MLIP: variants seen among roughly 807,000 people sequenced by gnomAD.
MLIP encodes muscular LMNA interacting protein, also known as muscular LMNA-interacting protein.
A neutral mutation model predicts 84.8 loss-of-function variants in MLIP; 79 were observed. That is an observed-to-expected ratio of 0.93 (90% CI 0.78 to 1.12). The LOEUF (loss-of-function observed/expected upper bound fraction) is 1.12, where lower values mean the gene tolerates loss of function less well. Ranked by LOEUF, MLIP falls within the 50% of genes most tolerant of loss-of-function variation. The probability of loss-of-function intolerance (pLI) is 0.00; values close to 1 mark genes in which losing one functional copy is unlikely to be tolerated. For missense variants in MLIP, 1,257 were observed against 1,160.6 expected (o/e 1.08, Z -1.21); for synonymous variants, 504 against 463.0 (o/e 1.09, Z -1.14).
At chr6:54,057,500 G>T (rs1765729295) in intron 1 of MLIP, among the ~76,000 whole-genome samples, 1 of 152,152 alleles carries the variant, frequency 6.6e-6, no homozygotes, top group South Asian at 2.1e-4. Flanking sequence ...TGCATTCAGG[G>T]GGAATAGTAG....
chr6:54,058,212 T>A (rs1765771787), intron 1 of MLIP, among the ~76,000 whole-genome samples: 1 of 152,136 alleles, frequency 6.6e-6, no homozygotes, highest in Non-Finnish European at 1.5e-5. Context: ...TATAATTGGG[T>A]CTTTACTTCC....
At position 54,261,676 on chromosome 6, in the gene MLIP, C is replaced by T. The variant is rs139572798; in HGVS notation, c.2977-4274C>T. On this transcript the variant is annotated intron_variant, in intron 13 of 13. Coordinates refer to ENST00000502396, the MANE Select transcript of MLIP (RefSeq NM_001281747.2). ...TAAGGTTCTAAGAGTATAAAGCAGC[C>T]ATCCCATTCCTCTGACTTTATCCTC... The T allele has an allele frequency of 3.2e-3, 3,122 of 985,042 alleles. 6 individuals carry two copies. The highest frequency in any genetic ancestry group is 3.9e-3 in the Admixed American group (64 of 16,236). The allele number at this position is 985,042 out of a possible 1,614,324, so 61.0% of individuals were successfully genotyped here.
At chr6:54,236,700 G>T (rs948030730) in intron 12 of MLIP, among the ~76,000 whole-genome samples, 1 of 152,112 alleles carries the variant, frequency 6.6e-6, no homozygotes, top group Non-Finnish European at 1.5e-5. Context: ...GTTTAAAATG[G>T]CCCCTAAGCA....
intron 4 of MLIP, among the ~76,000 whole-genome samples, chr6:54,143,420 G>T (rs1250657500): frequency 6.6e-6 from 1 of 151,994 alleles, no homozygotes; most frequent in Non-Finnish European, 1.5e-5. Context: ...TGGCCAGGCT[G>T]GTCTTGAACT....
chr6:54,171,340 A>G (rs887289711), intron 9 of MLIP, among the ~76,000 whole-genome samples: 1 of 151,658 alleles, frequency 6.6e-6, no homozygotes, highest in East Asian at 1.9e-4. Flanking sequence ...TCTAATGCAG[A>G]TAAGATTCTT....
At chr6:54,151,678 A>G (rs947107282) in intron 5 of MLIP, among the ~76,000 whole-genome samples, 2 of 152,140 alleles carry the variant, frequency 1.3e-5, no homozygotes, top group African/African-American at 2.4e-5. Flanking sequence ...AAAATAATTC[A>G]TGTCTTAGCT....
intron 1 of MLIP, among the ~76,000 whole-genome samples, chr6:54,062,653 T>A (rs1382485928): frequency 6.6e-6 from 1 of 152,174 alleles, no homozygotes; most frequent in Non-Finnish European, 1.5e-5. Context: ...GAGGTGGCAC[T>A]TACTCATCCC....
intron 1 of MLIP, among the ~76,000 whole-genome samples, chr6:54,028,069 A>G (rs1249978791): frequency 6.6e-6 from 1 of 152,206 alleles, no homozygotes; most frequent in African/African-American, 2.4e-5. Context: ...ATGGAATTGT[A>G]TTAGAGAATC....
chr6:54,113,078 T>C (rs1281156408), intron 1 of MLIP, among the ~76,000 whole-genome samples: 2 of 152,210 alleles, frequency 1.3e-5, no homozygotes, highest in South Asian at 2.1e-4. Flanking sequence ...CTGCTTATAA[T>C]GGTTATATGT....
intron 9 of MLIP, among the ~76,000 whole-genome samples, chr6:54,174,022 C>G (rs999474150): frequency 2.0e-5 from 3 of 152,000 alleles, no homozygotes; most frequent in Non-Finnish European, 4.4e-5. Flanking sequence ...TTTCATTTAA[C>G]ATAATGACCT....
At chr6:54,221,221 C>T (rs1254406501) in intron 11 of MLIP, among the ~76,000 whole-genome samples, 1 of 152,074 alleles carries the variant, frequency 6.6e-6, no homozygotes, top group Non-Finnish European at 1.5e-5. Context: ...TAAACCAACT[C>T]ATACCCCAAA....
chr6:54,107,496 G>A (rs535901508), upstream of MLIP, among the ~76,000 whole-genome samples: 56 of 152,296 alleles, frequency 3.7e-4, no homozygotes, highest in African/African-American at 1.3e-3. Context: ...TTACCTGAGA[G>A]ACACGGATAC....
intron 9 of MLIP, among the ~76,000 whole-genome samples, chr6:54,177,952 C>A (rs1424671517): frequency 6.6e-6 from 1 of 152,044 alleles, no homozygotes. Flanking sequence ...GAACAGAAAA[C>A]CAAACACCAC....
intron 5 of MLIP, among the ~76,000 whole-genome samples, chr6:54,150,393 G>T (rs1561986144): frequency 6.6e-6 from 1 of 152,134 alleles, no homozygotes. Context: ...TTGTGGAAAG[G>T]GACACTTTTC....
chr6:54,084,048 A>T (rs753807983), intron 1 of MLIP, among the ~76,000 whole-genome samples: 1 of 152,276 alleles, frequency 6.6e-6, no homozygotes. Context: ...TGATCTTGAA[A>T]TAGGTTTCAA....
chr6:54,144,178 C>A (rs761508392), intron 4 of MLIP, among the ~76,000 whole-genome samples: 30 of 152,132 alleles, frequency 2.0e-4, no homozygotes, highest in Admixed American at 8.5e-4. Context: ...TGAACGGGAT[C>A]AGGGCTTGGT....
At chr6:54,021,747 C>T (rs1763509742) in intron 1 of MLIP, among the ~76,000 whole-genome samples, 1 of 152,160 alleles carries the variant, frequency 6.6e-6, no homozygotes, top group Non-Finnish European at 1.5e-5. Context: ...TTAATCAATA[C>T]ATAATCAGAA....
intron 1 of MLIP, among the ~76,000 whole-genome samples, chr6:54,057,570 A>T (rs1436910136): frequency 6.6e-6 from 1 of 152,220 alleles, no homozygotes; most frequent in Non-Finnish European, 1.5e-5. Flanking sequence ...AGACCTTCTC[A>T]AACTTTTCTC....
chr6:54,249,236 C>T (rs1020295278), intron 12 of MLIP, among the ~76,000 whole-genome samples: 12 of 152,036 alleles, frequency 7.9e-5, no homozygotes, highest in African/African-American at 2.4e-4. Flanking sequence ...AGGGCCCAGA[C>T]TTTAAAGATG....
Sources: allele counts gnomAD v4.1 joint callset (sites outside exome capture counted in the v4.1 genomes callset), GRCh38; gene constraint gnomAD v4.1.1; transcripts MANE v1.5; gene names NCBI Gene and HGNC (gene_info 2026-07-23, HGNC 2026-07-21).